Variants in SNTB1 observed in about 807,000 individuals in gnomAD.
SNTB1 encodes the protein syntrophin beta 1.
SNTB1 carries 36 observed loss-of-function variants against 48.9 expected under a neutral mutation model. The observed-to-expected ratio is 0.74, with a 90% CI of 0.56 to 0.97. SNTB1 has a LOEUF of 0.97. Ranked by LOEUF, SNTB1 falls within the 50% of genes least tolerant of loss-of-function variation. The probability of loss-of-function intolerance (pLI) is 0.00; values close to 1 mark genes in which losing one functional copy is unlikely to be tolerated. For missense variants in SNTB1, 786 were observed against 703.4 expected (o/e 1.12, Z -1.33); for synonymous variants, 299 against 294.6 (o/e 1.01, Z -0.15).
intron 3 of SNTB1, among the ~76,000 whole-genome samples, chr8:120,603,053 G>C (rs1159227292): frequency 6.6e-6 from 1 of 151,430 alleles, no homozygotes; most frequent in Non-Finnish European, 1.5e-5. Flanking sequence ...CCATAATATA[G>C]TTTTAGAATA....
intron 4 of SNTB1, among the ~76,000 whole-genome samples, chr8:120,558,951 T>C (rs1302936329): frequency 6.6e-6 from 1 of 152,180 alleles, no homozygotes; most frequent in East Asian, 1.9e-4. Flanking sequence ...TAGCAGGCAC[T>C]CAGTATCTGT....
At chr8:120,711,791 A>G (rs533241344) in intron 1 of SNTB1, among the ~76,000 whole-genome samples, 1 of 152,200 alleles carries the variant, frequency 6.6e-6, no homozygotes, top group South Asian at 2.1e-4. Flanking sequence ...GCTATCAATT[A>G]TAACAGGAGC....
intron 1 of SNTB1, among the ~76,000 whole-genome samples, chr8:120,707,494 C>T (rs998450660): frequency 6.6e-6 from 1 of 152,128 alleles, no homozygotes; most frequent in Admixed American, 6.6e-5. Flanking sequence ...AGAATAAAAC[C>T]TCACAAGATT....
intron 1 of SNTB1, among the ~76,000 whole-genome samples, chr8:120,804,461 T>G (rs1302245656): frequency 6.6e-6 from 1 of 152,170 alleles, no homozygotes; most frequent in Non-Finnish European, 1.5e-5. Context: ...TATACCGCTT[T>G]AACTTCCTTT....
At chr8:120,740,667 CCAAATGGAA>C (rs1485407910) in intron 1 of SNTB1, among the ~76,000 whole-genome samples, 1 of 152,042 alleles carries the variant, frequency 6.6e-6, no homozygotes, top group Non-Finnish European at 1.5e-5. Context: ...AAGCTCTGGC[CCAAATGGAA>C]AAACTGATTT....
At chr8:120,810,902 T>C (rs927739567) in intron 1 of SNTB1, among the ~76,000 whole-genome samples, 3 of 152,068 alleles carry the variant, frequency 2.0e-5, no homozygotes, top group African/African-American at 7.2e-5. Context: ...AGTTCACCCT[T>C]CATTCTCAAT....
chr8:120,567,448 C>G (rs1454070821), intron 4 of SNTB1, among the ~76,000 whole-genome samples: 1 of 139,322 alleles, frequency 7.2e-6, no homozygotes, highest in African/African-American at 2.7e-5. Context: ...GAGACAGGGT[C>G]TTGCTCTGGA....
At chr8:120,796,880 C>A (rs1049254527) in intron 1 of SNTB1, among the ~76,000 whole-genome samples, 1 of 151,936 alleles carries the variant, frequency 6.6e-6, no homozygotes, top group Non-Finnish European at 1.5e-5. Context: ...TTTCTGTACA[C>A]CTATAAAAGA....
intron 4 of SNTB1, among the ~76,000 whole-genome samples, chr8:120,567,367 A>T (rs1176348510): frequency 6.6e-6 from 1 of 150,948 alleles, no homozygotes; most frequent in Non-Finnish European, 1.5e-5. Flanking sequence ...CGTAGCCTTG[A>T]TCTATGCCAA....
chr8:120,638,778 C>A (rs1330433861), intron 2 of SNTB1, among the ~76,000 whole-genome samples: 1 of 152,140 alleles, frequency 6.6e-6, no homozygotes, highest in East Asian at 1.9e-4. Context: ...TGTATATGTG[C>A]CACATTTTCT....
intron 1 of SNTB1, among the ~76,000 whole-genome samples, chr8:120,730,349 G>T (rs888542030): frequency 2.0e-5 from 3 of 151,882 alleles, no homozygotes; most frequent in African/African-American, 4.8e-5. Flanking sequence ...TAGTATTTTT[G>T]TAGAGTATTT....
At chr8:120,691,522 A>G (rs940599075) in intron 2 of SNTB1, among the ~76,000 whole-genome samples, 17 of 152,192 alleles carry the variant, frequency 1.1e-4, no homozygotes, top group Non-Finnish European at 2.1e-4. Flanking sequence ...TGTATTCCAT[A>G]GTAGAAGGTA....
chr8:120,588,901 G>A (rs1482410226), intron 3 of SNTB1, among the ~76,000 whole-genome samples: 3 of 152,126 alleles, frequency 2.0e-5, no homozygotes, highest in Non-Finnish European at 2.9e-5. Context: ...CTATAGGGAG[G>A]GGCCTGGGTA....
chr8:120,560,921 G>A (rs1815643357), intron 4 of SNTB1, among the ~76,000 whole-genome samples: 1 of 152,164 alleles, frequency 6.6e-6, no homozygotes, highest in South Asian at 2.1e-4. Flanking sequence ...GGATCCCACA[G>A]TTAGTGTCGA....
rs1010397954 is a variant in SNTB1, at chr8:120,657,757, A to G, written c.789-25106T>C. ...GAGAAAAATTCCTTTTCATTTATTG[A>G]CTTATCAATTATTTTTTAGTGCCTA... On this transcript the variant is annotated intron_variant, in intron 2 of 6. Transcript: ENST00000517992. Among the ~76,000 whole-genome samples, 5 of 152,252 alleles carry G rather than the reference A, an allele frequency of 3.3e-5. No homozygotes were observed. The East Asian group carries it at 7.7e-4, about 23-fold the overall frequency.
chr8:120,567,678 C>T (rs1224505543), intron 4 of SNTB1, among the ~76,000 whole-genome samples: 1 of 151,994 alleles, frequency 6.6e-6, no homozygotes, highest in Non-Finnish European at 1.5e-5. Context: ...ACCTCAGCCT[C>T]CCAAAGTCCT....
rs759672190 is a variant in SNTB1, at chr8:120,575,193, TG to T, written c.1028del (p.Pro343GlnfsTer6). On this transcript the variant is annotated frameshift_variant, in exon 4 of 7. Coordinates refer to ENST00000517992, the MANE Select transcript of SNTB1 (RefSeq NM_021021.4). LOFTEE classifies it high-confidence loss of function. ...VPGESKKQWK[P>X]ALVVLTEKDL... ...CTTTCTCAGTCAGCACAACCAGGGC[TG>T]GTTTCCACTGTTTCTTGCTCTCCCC... 2.4e-5 allele frequency: 39 copies of T among 1,614,028 alleles called. No individual in the cohort carries two copies. Among genetic ancestry groups the T allele is most frequent in the Non-Finnish European group, 3.4e-6 (4 of 1,180,002 alleles).
At chr8:120,682,561 A>G (rs1817948717) in intron 2 of SNTB1, among the ~76,000 whole-genome samples, 1 of 152,186 alleles carries the variant, frequency 6.6e-6, no homozygotes, top group Non-Finnish European at 1.5e-5. Context: ...TCTACTTCCT[A>G]AATTTCTCAA....
intron 1 of SNTB1, among the ~76,000 whole-genome samples, chr8:120,802,738 C>A (rs1283596710): frequency 6.6e-6 from 1 of 152,038 alleles, no homozygotes; most frequent in African/African-American, 2.4e-5. Flanking sequence ...GGAAATAATA[C>A]TTAGCTAAGC....
Sources: gnomAD v4.1 joint callset for allele counts (sites outside exome capture counted in the v4.1 genomes callset) on GRCh38, gnomAD v4.1.1 for gene constraint, MANE v1.5 for transcripts, NCBI Gene and HGNC (gene_info 2026-07-23, HGNC 2026-07-21) for gene names.